The following PNPLA1 variants were observed in gnomAD, a reference collection of about 807,000 sequenced individuals.
The protein encoded by PNPLA1 is omega-hydroxyceramide transacylase.
PNPLA1 carries 36 observed loss-of-function variants against 51.7 expected under a neutral mutation model. That is an observed-to-expected ratio of 0.70 (90% confidence interval 0.53 to 0.92). The LOEUF is 0.92. Ranked by LOEUF, PNPLA1 falls within the 40% of genes least tolerant of loss-of-function variation. PNPLA1 has a pLI of 0.00. For synonymous variants in PNPLA1, 293 were observed against 280.1 expected, an observed-to-expected ratio of 1.05 and a Z score of -0.46; for missense variants, 658 against 682.5, an observed-to-expected ratio of 0.96 and a Z score of 0.40.
chr6:36,311,175 C>T (rs1771400872), intron 8 of PNPLA1, among the ~76,000 whole-genome samples: 1 of 152,188 alleles, frequency 6.6e-6, no homozygotes, highest in African/African-American at 2.4e-5. Flanking sequence ...CTGATGCACG[C>T]TGGAGTTTGA....
At position 36,270,576 on chromosome 6, in the gene PNPLA1, C is replaced by A; in HGVS notation, c.117C>A (p.Ala39=). The change falls in exon 1 of 9, where the codon GCC becomes GCA. Residue 39 remains alanine (A), a synonymous_variant. Transcript: ENST00000636260. ...CTGTGGACGCCCTGCGGGACCTGGC[C>A]CCCCGGATGCTGGAAACAGCCCACC... ...AGAVDALRDL[A]PRMLETAHRF... is the part of the protein sequence containing the mutation. The A allele has an allele frequency of 6.4e-7, 1 of 1,551,638 alleles. No individual in the cohort carries two copies. The highest frequency in any genetic ancestry group is 8.7e-7 in the Non-Finnish European group (1 of 1,147,004).
chr6:36,308,640 A>G (rs190104656), intron 8 of PNPLA1: 4 of 152,322 alleles, frequency 2.6e-5, no homozygotes, highest in East Asian at 3.9e-4. Flanking sequence ...CTTTAGATCA[A>G]AGATAAGACT....
chr6:36,286,970 A>G (rs1482840206), intron 1 of PNPLA1, among the ~76,000 whole-genome samples: 1 of 152,038 alleles, frequency 6.6e-6, no homozygotes, highest in Non-Finnish European at 1.5e-5. Flanking sequence ...ACAGGCATGA[A>G]CCACCACACC....
At chr6:36,295,300 G>T in intron 4 of PNPLA1, 64 bp from the exon 5 acceptor site, 1 of 1,552,460 alleles carries the variant, frequency 6.4e-7, no homozygotes, top group South Asian at 1.1e-5. Context: ...GCCCTGGGTC[G>T]GGGGAACTGT....
intron 1 of PNPLA1, among the ~76,000 whole-genome samples, chr6:36,258,447 T>C (rs1469693623): frequency 6.6e-6 from 1 of 152,218 alleles, no homozygotes; most frequent in Non-Finnish European, 1.5e-5. Flanking sequence ...TATTCCCTTC[T>C]TCCAAGTATT....
intron 1 of PNPLA1, among the ~76,000 whole-genome samples, chr6:36,250,496 A>G (rs1215608161): frequency 1.3e-5 from 2 of 152,238 alleles, no homozygotes; most frequent in African/African-American, 4.8e-5. Context: ...ACCACCACCC[A>G]TGCTTGTTTA....
chr6:36,310,525 T>C (rs373634229), intron 8 of PNPLA1, among the ~76,000 whole-genome samples: 44 of 152,324 alleles, frequency 2.9e-4, no homozygotes, highest in East Asian at 2.1e-3. Flanking sequence ...AAGATCCTTT[T>C]CTTTGAGTTT....
chr6:36,284,024 A>G (rs1770399113), intron 1 of PNPLA1, among the ~76,000 whole-genome samples: 1 of 152,230 alleles, frequency 6.6e-6, no homozygotes, highest in African/African-American at 2.4e-5. Context: ...TTCTAGATGC[A>G]TTCCCTCTCT....
At chr6:36,296,842 T>TA (rs372785738) in intron 5 of PNPLA1, among the ~76,000 whole-genome samples, 235 of 151,776 alleles carry the variant, frequency 1.5e-3, no homozygotes, top group African/African-American at 5.2e-3. Flanking sequence ...TCCTAATCTG[T>TA]AAAAAAAAGG....
At chr6:36,299,969 C>T (rs1770980275) in intron 5 of PNPLA1, among the ~76,000 whole-genome samples, 1 of 152,148 alleles carries the variant, frequency 6.6e-6, no homozygotes. Context: ...CAGTCCAGTA[C>T]ATTTGTTACA....
At chr6:36,273,752 A>AG (rs1770002982) in intron 1 of PNPLA1, among the ~76,000 whole-genome samples, 1 of 138,602 alleles carries the variant, frequency 7.2e-6, no homozygotes, top group Non-Finnish European at 1.6e-5. Flanking sequence ...AAAAAAAAAA[A>AG]GATGAAGAAA....
chr6:36,302,878 T>G (rs1771110996), intron 6 of PNPLA1, among the ~76,000 whole-genome samples: 1 of 152,150 alleles, frequency 6.6e-6, no homozygotes, highest in Non-Finnish European at 1.5e-5. Context: ...CTGTGAAACC[T>G]GCTGTGCTGG....
chr6:36,278,179 C>A (rs1770170216), intron 1 of PNPLA1, among the ~76,000 whole-genome samples: 1 of 152,204 alleles, frequency 6.6e-6, no homozygotes, highest in South Asian at 2.1e-4. Context: ...ACGGTCTTAA[C>A]TGTTTCAGAT....
At chr6:36,263,069 A>AC (rs1214249231) in intron 1 of PNPLA1, among the ~76,000 whole-genome samples, 1 of 152,270 alleles carries the variant, frequency 6.6e-6, no homozygotes, top group Admixed American at 6.5e-5. Flanking sequence ...CTTGATGGTC[A>AC]AATCGTTTAA....
At chr6:36,281,773 A>G (rs1770289854) in intron 1 of PNPLA1, among the ~76,000 whole-genome samples, 1 of 152,110 alleles carries the variant, frequency 6.6e-6, no homozygotes, top group Non-Finnish European at 1.5e-5. Flanking sequence ...TAGTCCCAGC[A>G]CTTTGGGAGG....
At chr6:36,310,090 A>C (rs1348287073) in intron 8 of PNPLA1, among the ~76,000 whole-genome samples, 1 of 152,226 alleles carries the variant, frequency 6.6e-6, no homozygotes, top group Admixed American at 6.5e-5. Context: ...TGTTGCTGCT[A>C]TGATAACACT....
intron 1 of PNPLA1, among the ~76,000 whole-genome samples, chr6:36,248,421 A>G (rs1291679116): frequency 5.9e-5 from 9 of 152,046 alleles, no homozygotes; most frequent in Admixed American, 3.9e-4. Context: ...AACCACACAC[A>G]TTATTAGGAA....
At chr6:36,263,715 G>GCCCCTCCCAGGGCTA (rs1314550237) in intron 1 of PNPLA1, among the ~76,000 whole-genome samples, 3 of 128,824 alleles carry the variant, frequency 2.3e-5, no homozygotes, top group Non-Finnish European at 3.2e-5. Context: ...GGGCAAGGCT[G>GCCCCTCCCAGGGCTA]CCCCTCCCAG....
intron 1 of PNPLA1, among the ~76,000 whole-genome samples, chr6:36,250,166 A>C (rs1642168866): frequency 6.6e-6 from 1 of 152,032 alleles, no homozygotes; most frequent in African/African-American, 2.4e-5. Context: ...CTGCCATGTG[A>C]TCATGCTTTG....
Sources: gnomAD v4.1 joint callset for allele counts (sites outside exome capture counted in the v4.1 genomes callset) on GRCh38, gnomAD v4.1.1 for gene constraint, MANE v1.5 for transcripts, NCBI Gene and HGNC (gene_info 2026-07-23, HGNC 2026-07-21) for gene names.